PGRMC2: variants seen among roughly 807,000 people sequenced by gnomAD.
The protein encoded by PGRMC2 is membrane-associated progesterone receptor component 2.
PGRMC2 carries 9 observed loss-of-function variants against 19.3 expected under a neutral mutation model. The observed-to-expected ratio is 0.47, with a 90% confidence interval of 0.28 to 0.81. The LOEUF (loss-of-function observed/expected upper bound fraction) is 0.81, where lower values mean the gene tolerates loss of function less well. PGRMC2 is among the 40% of genes least tolerant of loss of function. The pLI is 0.11. For synonymous variants in PGRMC2, 157 were observed against 124.6 expected, an observed-to-expected ratio of 1.26 and a Z score of -1.73; for missense variants, 289 against 297.3, an observed-to-expected ratio of 0.97 and a Z score of 0.21.
rs1304421223 is a variant in PGRMC2 at position 128,287,791 on chromosome 4, C to T, written c.-1G>A. On this transcript the variant is annotated 5_prime_UTR_variant, in exon 1 of 3. Coordinates refer to ENST00000296425, the MANE Select transcript of PGRMC2 (RefSeq NM_006320.6). ...TCACGTCCCCATCACCAGCCGCCAT[C>T]ACTGCCCGCCAGCGCCTTCCTCCTC... 6.7e-7 allele frequency: 1 copy of T among 1,499,268 alleles called. No individual in the cohort carries two copies. Among genetic ancestry groups the T allele is most frequent in the Non-Finnish European group, 9.1e-7 (1 of 1,098,616 alleles). The allele number at this position is 1,499,268 out of a possible 1,614,324, so 92.9% of individuals were successfully genotyped here.
intron 1 of PGRMC2, among the ~76,000 whole-genome samples, chr4:128,275,597 C>T (rs964224819): frequency 6.6e-6 from 1 of 152,112 alleles, no homozygotes; most frequent in African/African-American, 2.4e-5. Context: ...ACATATTCCC[C>T]CACTCCCTAA....
chr4:128,272,293 T>C (rs1760742267), intron 2 of PGRMC2, 69 bp downstream of exon 2: 3 of 931,730 alleles, frequency 3.2e-6, no homozygotes, highest in African/African-American at 1.7e-5. Context: ...TCTTAAAGCA[T>C]GTAAAATAGT....
chr4:128,279,341 C>A (rs2110561956), intron 1 of PGRMC2, among the ~76,000 whole-genome samples: 1 of 152,076 alleles, frequency 6.6e-6, no homozygotes, highest in Non-Finnish European at 1.5e-5. Flanking sequence ...TAAATTTAAA[C>A]AAATATTGAG....
chr4:128,281,038 AAAC>A (rs1176011826), intron 1 of PGRMC2, among the ~76,000 whole-genome samples: 1 of 152,258 alleles, frequency 6.6e-6, no homozygotes, highest in Non-Finnish European at 1.5e-5. Flanking sequence ...GAGATGCAAG[AAAC>A]AACAGTGAAT....
chr4:128,274,609 G>A lies in PGRMC2; in HGVS notation c.419-2092C>T, dbSNP rs536457587. Among the ~76,000 whole-genome samples, 9 of 151,728 alleles carry A rather than the reference G, an allele frequency of 5.9e-5. No individual in the cohort carries two copies. In the East Asian group the frequency reaches 1.4e-3, roughly 23 times the overall value. Reference sequence around the variant, plus strand: ...AAAATTCTACACACTTTGTGGCAATGGGTGTTTTCAGGAGGACAAGGAGAG... The same window carrying A: ...AAAATTCTACACACTTTGTGGCAATAGGTGTTTTCAGGAGGACAAGGAGAG... On this transcript the variant is annotated intron_variant, in intron 1 of 2. Transcript: ENST00000296425.
At position 128,271,264 on chromosome 4, in the gene PGRMC2, G is replaced by A; in HGVS notation, c.*52C>T. The A allele has an allele frequency of 1.1e-6, 1 of 900,748 alleles. No individual in the cohort carries two copies. Among genetic ancestry groups the A allele is most frequent in the Non-Finnish European group, 1.8e-6 (1 of 550,978 alleles). The allele number at this position is 900,748 out of a possible 1,614,324, so 55.8% of individuals were successfully genotyped here. On this transcript the variant is annotated 3_prime_UTR_variant, in exon 3 of 3. Coordinates refer to ENST00000296425, the MANE Select transcript of PGRMC2 (RefSeq NM_006320.6). ...CAAAGACTCCGGACAGTCTGTGAAA[G>A]GGAGTAAGAATTGCAGTTCTGAAGG...
chr4:128,283,749 C>T (rs927105514), intron 1 of PGRMC2, among the ~76,000 whole-genome samples: 1 of 151,606 alleles, frequency 6.6e-6, no homozygotes, highest in Non-Finnish European at 1.5e-5. Context: ...CCTCCACCTC[C>T]TAGGTTCAAG....
Position 128,287,808 on chromosome 4 carries a change from TTCC to T in PGRMC2, c.-21_-19del, listed in dbSNP as rs752288918. The stretch of plus-strand genomic sequence containing the variant: ...GCCGCCATCACTGCCCGCCAGCGCC[TTCC>T]TCCTCCTCCCCGCCCCCTGCCCTCC... On this transcript the variant is annotated 5_prime_UTR_variant, in exon 1 of 3. Transcript: ENST00000296425. 7 of 1,513,008 alleles carry T rather than the reference TTCC, an allele frequency of 4.6e-6. No homozygotes were observed. Among genetic ancestry groups the T allele is most frequent in the African/African-American group, 2.7e-5 (2 of 73,018 alleles). 93.7% of individuals were successfully genotyped at this position (1,513,008 alleles called of 1,614,324 possible).
chr4:128,278,337 A>G (rs1299806483), intron 1 of PGRMC2, among the ~76,000 whole-genome samples: 1 of 152,170 alleles, frequency 6.6e-6, no homozygotes, highest in Non-Finnish European at 1.5e-5. Context: ...TTGGGAGGCC[A>G]AGGCGGGTAG....
intron 1 of PGRMC2, among the ~76,000 whole-genome samples, chr4:128,282,326 G>T (rs1485273035): frequency 6.6e-6 from 1 of 152,212 alleles, no homozygotes. Context: ...GGTGCACAGG[G>T]AAAGGAGTGG....
chr4:128,280,585 A>T (rs1760894308), intron 1 of PGRMC2, among the ~76,000 whole-genome samples: 1 of 152,058 alleles, frequency 6.6e-6, no homozygotes, highest in Non-Finnish European at 1.5e-5. Context: ...AACGCTACTC[A>T]AGAGTTGAGG....
rs41298559 is a variant in PGRMC2, at chr4:128,287,556, C to G, written c.235G>C (p.Gly79Arg). 8 of 1,536,738 alleles carry G rather than the reference C, an allele frequency of 5.2e-6. No individual in the cohort carries two copies. In the Admixed American group the frequency reaches 1.6e-4, roughly 30 times the overall value. ...YRLWVRWGRRGLGAGAGAGEE... is the reference protein window; with the variant it reads ...YRLWVRWGRRRLGAGAGAGEE... ...CCCGCCCCGGCCCCGGCCCCCAGACCCCGCCGCCCCCAGCGCACCCACAGC... is the reference window on the plus strand; with the variant it reads ...CCCGCCCCGGCCCCGGCCCCCAGACGCCGCCGCCCCCAGCGCACCCACAGC... The change falls in exon 1 of 3, where the codon GGT becomes CGT. Residue 79 changes from glycine (G) to arginine (R), a missense_variant. By Grantham distance (125) the Gly-to-Arg change is moderately radical. Transcript: ENST00000296425.
In PGRMC2 at chr4:128,287,769, C is replaced by T; in HGVS notation, c.22G>A (p.Val8Met). MAAGDGD[V>M]KLGTLGSGSE... Reference sequence around the variant, plus strand: ...CCACTCCCCAGGGTGCCTAGCTTCACGTCCCCATCACCAGCCGCCATCACT... The same window carrying T: ...CCACTCCCCAGGGTGCCTAGCTTCATGTCCCCATCACCAGCCGCCATCACT... The change falls in exon 1 of 3, where the codon GTG becomes ATG. Residue 8 changes from valine (V) to methionine (M), a missense_variant. Physicochemically the swap from Val to Met is conservative, Grantham distance 21 (BLOSUM62 1). Coordinates refer to ENST00000296425, the MANE Select transcript of PGRMC2 (RefSeq NM_006320.6). The T allele has an allele frequency of 1.4e-6, 2 of 1,476,124 alleles. No homozygotes were observed. Among genetic ancestry groups the T allele is most frequent in the African/African-American group, 1.4e-5 (1 of 72,760 alleles). The allele number at this position is 1,476,124 out of a possible 1,614,324, so 91.4% of individuals were successfully genotyped here.
At chr4:128,283,199 A>G (rs2110564023) in intron 1 of PGRMC2, among the ~76,000 whole-genome samples, 1 of 152,382 alleles carries the variant, frequency 6.6e-6, no homozygotes. Flanking sequence ...ATGATTCTGT[A>G]AACATGTGAA....
chr4:128,279,392 C>T (rs1265546321), intron 1 of PGRMC2, among the ~76,000 whole-genome samples: 1 of 152,100 alleles, frequency 6.6e-6, no homozygotes, highest in Non-Finnish European at 1.5e-5. Flanking sequence ...GACCAAGAAG[C>T]TTAATACCAC....
chr4:128,272,417 T>G lies in PGRMC2; in HGVS notation c.519A>C (p.Ser173=). ...DALRDEYDDL[S]DLNAVQMESV... ...TCTCCATTTGTACTGCATTCAAATC[T>G]GAGAGATCATCATATTCATCTCTAA... is the stretch of plus-strand genomic sequence containing the variant. The change falls in exon 2 of 3, where the codon TCA becomes TCC. Residue 173 remains serine (S), a synonymous_variant. Transcript: ENST00000296425. 2 of 1,590,904 alleles carry G rather than the reference T, an allele frequency of 1.3e-6. No individual in the cohort carries two copies. The highest frequency in any genetic ancestry group is 8.5e-7 in the Non-Finnish European group (1 of 1,169,918).
chr4:128,274,886 C>T (rs2110559303), intron 1 of PGRMC2, among the ~76,000 whole-genome samples: 1 of 152,226 alleles, frequency 6.6e-6, no homozygotes, highest in East Asian at 1.9e-4. Flanking sequence ...CTCAGAGTTT[C>T]CCAAAGTGGA....
In PGRMC2 at chr4:128,271,312, A is replaced by G. The variant is rs1432292117; in HGVS notation, c.*4T>C. 2 of 1,532,596 alleles carry G rather than the reference A, an allele frequency of 1.3e-6. No homozygotes were observed. Among genetic ancestry groups the G allele is most frequent in the Non-Finnish European group, 1.8e-6 (2 of 1,110,320 alleles). The allele number at this position is 1,532,596 out of a possible 1,614,324, so 94.9% of individuals were successfully genotyped here. On this transcript the variant is annotated 3_prime_UTR_variant, in exon 3 of 3. Coordinates refer to ENST00000296425, the MANE Select transcript of PGRMC2 (RefSeq NM_006320.6). The stretch of plus-strand genomic sequence containing the variant: ...AGGCCCCTGACTTTGGTTGTTTACA[A>G]AGTTCAATCCTGTTTATTGTGATCC...
intron 1 of PGRMC2, among the ~76,000 whole-genome samples, chr4:128,285,970 T>C (rs1445003055): frequency 1.3e-5 from 2 of 152,062 alleles, no homozygotes; most frequent in Non-Finnish European, 1.5e-5. Flanking sequence ...AACTAAGAAA[T>C]AAATTACATA....
Sources: allele counts gnomAD v4.1 joint callset (sites outside exome capture counted in the v4.1 genomes callset), GRCh38; gene constraint gnomAD v4.1.1; transcripts MANE v1.5; gene names NCBI Gene and HGNC (gene_info 2026-07-23, HGNC 2026-07-21).